Variants in AIM2 observed in about 807,000 individuals in gnomAD.
AIM2 encodes interferon-inducible protein AIM2.
In AIM2, 30 loss-of-function variants were observed where a neutral mutation model predicts 27.7. The observed-to-expected ratio is 1.08, with a 90% confidence interval of 0.81 to 1.47. The LOEUF (loss-of-function observed/expected upper bound fraction) is 1.47. AIM2 is among the 40% of genes most tolerant of loss of function. The probability of loss-of-function intolerance (pLI) is 0.00; values close to 1 mark genes in which losing one functional copy is unlikely to be tolerated. For synonymous variants in AIM2, 141 were observed against 145.3 expected, an observed-to-expected ratio of 0.97 and a Z score of 0.21; for missense variants, 358 against 411.3, an observed-to-expected ratio of 0.87 and a Z score of 1.12.
intron 1 of AIM2, among the ~76,000 whole-genome samples, chr1:159,084,421 A>G (rs1191243374): frequency 6.6e-6 from 1 of 152,010 alleles, no homozygotes; most frequent in Non-Finnish European, 1.5e-5. Flanking sequence ...CAAGATTCCT[A>G]CTGCAAACAA....
intron 1 of AIM2, among the ~76,000 whole-genome samples, chr1:159,136,028 G>A (rs1343559063): frequency 7.9e-5 from 12 of 152,312 alleles, no homozygotes; most frequent in Middle Eastern, 6.8e-3. Context: ...TTTCCACGGG[G>A]ACTAGAATCT....
intron 1 of AIM2, among the ~76,000 whole-genome samples, chr1:159,096,273 G>C (rs1329281682): frequency 1.3e-5 from 2 of 152,146 alleles, no homozygotes; most frequent in Non-Finnish European, 1.5e-5. Context: ...TCATTCACTA[G>C]CTAGTTGGCC....
chr1:159,067,417 G>A (rs1656152932), intron 3 of AIM2, among the ~76,000 whole-genome samples: 1 of 152,150 alleles, frequency 6.6e-6, no homozygotes, highest in Admixed American at 6.5e-5. Context: ...ACAAACAGAG[G>A]CATAAAAAGC....
At chr1:159,145,458 A>G (rs1338748943), upstream of AIM2, among the ~76,000 whole-genome samples, 1 of 152,128 alleles carries the variant, frequency 6.6e-6, no homozygotes, top group Non-Finnish European at 1.5e-5. Context: ...TCATACTTGA[A>G]GAGGGAAGAA....
At chr1:159,062,231 C>T (rs1376515826), downstream of AIM2, among the ~76,000 whole-genome samples, 1 of 152,146 alleles carries the variant, frequency 6.6e-6, no homozygotes, top group Non-Finnish European at 1.5e-5. Flanking sequence ...TAAAATATTT[C>T]TAAATCATTG....
At chr1:159,062,803 G>T in intron 5 of AIM2, 85 bp from the exon 6 acceptor site, 1 of 1,236,392 alleles carries the variant, frequency 8.1e-7, no homozygotes. Context: ...GCCTTCTGAA[G>T]TGTATGTATC....
At chr1:159,126,422 C>T (rs1174034159) in intron 1 of AIM2, among the ~76,000 whole-genome samples, 4 of 151,906 alleles carry the variant, frequency 2.6e-5, no homozygotes, top group African/African-American at 7.3e-5. Flanking sequence ...CTGAGGGGGG[C>T]GGATCACGAG....
upstream of AIM2, among the ~76,000 whole-genome samples, chr1:159,143,213 C>G (rs1375110916): frequency 6.6e-6 from 1 of 152,156 alleles, no homozygotes; most frequent in Non-Finnish European, 1.5e-5. Flanking sequence ...TGAGACATGG[C>G]AGAGAACATA....
At chr1:159,110,307 G>T (rs2102027674) in intron 1 of AIM2, among the ~76,000 whole-genome samples, 1 of 152,214 alleles carries the variant, frequency 6.6e-6, no homozygotes, top group Non-Finnish European at 1.5e-5. Flanking sequence ...CCAAGACCAT[G>T]GTCCACATAA....
intron 1 of AIM2, among the ~76,000 whole-genome samples, chr1:159,107,102 T>C (rs1434396584): frequency 6.6e-6 from 1 of 152,212 alleles, no homozygotes; most frequent in Non-Finnish European, 1.5e-5. Flanking sequence ...TCCTATGCTG[T>C]AGAAAGTTCC....
At chr1:159,082,443 C>A (rs1201030843) in intron 1 of AIM2, among the ~76,000 whole-genome samples, 1 of 152,154 alleles carries the variant, frequency 6.6e-6, no homozygotes, top group Non-Finnish European at 1.5e-5. Context: ...ATATTCAGTA[C>A]CTGGTGAAGA....
At chr1:159,063,875 C>G (rs1201117434) in intron 4 of AIM2, among the ~76,000 whole-genome samples, 1 of 152,236 alleles carries the variant, frequency 6.6e-6, no homozygotes, top group East Asian at 1.9e-4. Context: ...CAACCCTCCT[C>G]TTCCTCCTCA....
chr1:159,073,394 C>G lies in AIM2; in HGVS notation c.106G>C (p.Ala36Pro), dbSNP rs755133172. 10 of 1,614,016 alleles carry G rather than the reference C, an allele frequency of 6.2e-6. No homozygotes were observed. ...KFFLSDEFNIATGKLHTANRI... is the reference protein window; with the variant it reads ...KFFLSDEFNIPTGKLHTANRI... ...TTTGCAGTATGTAGTTTGCCTGTGG[C>G]AATATTAAACTCGTCTGAAAGAAAG... Residue 36 changes from alanine (A) to proline (P), a missense_variant, in exon 2 of 6, where the codon GCC becomes CCC. Coordinates refer to ENST00000368130, the MANE Select transcript of AIM2 (RefSeq NM_004833.3).
Position 159,125,287 on chromosome 1 carries a change from A to T in AIM2, c.-16+15144T>A, listed in dbSNP as rs149077043. Among the ~76,000 whole-genome samples the T allele has an allele frequency of 2.9e-3, 443 of 152,322 alleles. 1 individual carries two copies. Among genetic ancestry groups the T allele is most frequent in the African/African-American group, 1.0e-2 (415 of 41,570 alleles). On this transcript the variant is annotated intron_variant, in intron 1 of 2. Coordinates refer to the AIM2 transcript ENST00000368129. ...CATGCTTTATAGAAAAGACCTACCT[A>T]ACCGTAGGCACATATTAGCTGTAGA...
chr1:159,123,326 C>G (rs1230235729), intron 1 of AIM2, among the ~76,000 whole-genome samples: 3 of 152,266 alleles, frequency 2.0e-5, no homozygotes, highest in Non-Finnish European at 4.4e-5. Context: ...AGGCTGAAGC[C>G]AAGAGACCTT....
chr1:159,108,346 C>T (rs1233313732), intron 1 of AIM2, among the ~76,000 whole-genome samples: 1 of 152,096 alleles, frequency 6.6e-6, no homozygotes, highest in African/African-American at 2.4e-5. Flanking sequence ...ATCCAGCATC[C>T]CTTTATAATT....
chr1:159,072,637 G>A (rs1382465864), intron 2 of AIM2, among the ~76,000 whole-genome samples: 1 of 152,098 alleles, frequency 6.6e-6, no homozygotes, highest in South Asian at 2.1e-4. Flanking sequence ...TTTGTGTTGT[G>A]GGTAATTTAT....
intron 1 of AIM2, among the ~76,000 whole-genome samples, chr1:159,090,633 C>T (rs535967950): frequency 6.6e-6 from 1 of 152,252 alleles, no homozygotes; most frequent in East Asian, 1.9e-4. Flanking sequence ...GGTGAAAACT[C>T]TTACTATTTT....
chr1:159,119,939 G>T (rs1429060007), intron 1 of AIM2, among the ~76,000 whole-genome samples: 2 of 151,806 alleles, frequency 1.3e-5, no homozygotes, highest in Non-Finnish European at 2.9e-5. Context: ...TTATATAGAT[G>T]AATTATATTG....
Sources: gnomAD v4.1 joint callset for allele counts (sites outside exome capture counted in the v4.1 genomes callset) on GRCh38, gnomAD v4.1.1 for gene constraint, MANE v1.5 for transcripts, NCBI Gene and HGNC (gene_info 2026-07-23, HGNC 2026-07-21) for gene names.